EYS: variants seen among roughly 807,000 people sequenced by gnomAD.
The protein encoded by EYS is EGF-like photoreceptor maintenance factor.
In EYS, 250 loss-of-function variants were observed where a neutral mutation model predicts 282.1. The ratio of observed to expected loss-of-function variants is 0.89; its 90% CI spans 0.80 to 0.98. The LOEUF (loss-of-function observed/expected upper bound fraction) is 0.98. Ranked by LOEUF, EYS falls within the 50% of genes least tolerant of loss-of-function variation. The pLI is 0.00. For missense variants in EYS, 4,016 were observed against 3,709.0 expected, an observed-to-expected ratio of 1.08 and a Z score of -2.15; for synonymous variants, 1,355 against 1,282.9, an observed-to-expected ratio of 1.06 and a Z score of -1.20.
intron 1 of EYS, among the ~76,000 whole-genome samples, chr6:65,683,390 T>A (rs117516822): frequency 0.011 from 1,659 of 151,658 alleles, 45 homozygotes; most frequent in Admixed American, 0.054. Context: ...TTTGTTTCAG[T>A]GGTGTTGAGT....
At chr6:65,569,265 T>C (rs1480964344) in intron 2 of EYS, among the ~76,000 whole-genome samples, 1 of 151,968 alleles carries the variant, frequency 6.6e-6, no homozygotes, top group Non-Finnish European at 1.5e-5. Context: ...AATTTTCCTT[T>C]ACCTACCCAA....
At chr6:65,689,922 A>C (rs1262374073) in intron 1 of EYS, among the ~76,000 whole-genome samples, 1 of 149,724 alleles carries the variant, frequency 6.7e-6, no homozygotes, top group Admixed American at 6.7e-5. Context: ...AGCTGGGTCC[A>C]GGGGGGTCAC....
chr6:64,566,160 T>C (rs73764814), intron 26 of EYS, among the ~76,000 whole-genome samples: 4,604 of 152,246 alleles, frequency 0.03, 154 homozygotes, highest in East Asian at 0.11. Context: ...AGAAGACTTA[T>C]GCACAATTAT....
At chr6:65,430,552 C>A (rs1767846563) in intron 5 of EYS, among the ~76,000 whole-genome samples, 1 of 152,184 alleles carries the variant, frequency 6.6e-6, no homozygotes, top group African/African-American at 2.4e-5. Context: ...ACGTGACATA[C>A]AAAGACACCA....
intron 12 of EYS, among the ~76,000 whole-genome samples, chr6:65,280,906 T>A (rs1322510524): frequency 6.8e-6 from 1 of 147,966 alleles, no homozygotes; most frequent in Admixed American, 6.8e-5. Context: ...TGTGGTGGTG[T>A]GTGCCTGTAA....
At chr6:64,354,757 A>G (rs1477083488) in intron 29 of EYS, among the ~76,000 whole-genome samples, 2 of 151,602 alleles carry the variant, frequency 1.3e-5, no homozygotes, top group Non-Finnish European at 3.0e-5. Context: ...TAAAATGTGC[A>G]TATGTATGAA....
intron 22 of EYS, among the ~76,000 whole-genome samples, chr6:64,657,866 G>A (rs1344708896): frequency 6.6e-6 from 1 of 152,004 alleles, no homozygotes; most frequent in African/African-American, 2.4e-5. Context: ...TATCTTTTTG[G>A]CATTCTCTGT....
intron 12 of EYS, among the ~76,000 whole-genome samples, chr6:65,105,652 G>A (rs970287242): frequency 2.6e-5 from 4 of 151,690 alleles, no homozygotes; most frequent in Non-Finnish European, 2.9e-5. Flanking sequence ...AAACCACTGC[G>A]GTGCACTATA....
At chr6:64,320,876 C>A (rs1308722283) in intron 29 of EYS, among the ~76,000 whole-genome samples, 1 of 151,674 alleles carries the variant, frequency 6.6e-6, no homozygotes, top group Non-Finnish European at 1.5e-5. Context: ...AACCTATATG[C>A]TTTTTAAAAA....
intron 30 of EYS, among the ~76,000 whole-genome samples, chr6:64,276,083 G>A (rs2150359692): frequency 6.6e-6 from 1 of 152,122 alleles, no homozygotes; most frequent in Non-Finnish European, 1.5e-5. Flanking sequence ...GAGATAATCA[G>A]GATATAGGTA....
At chr6:65,630,503 G>C (rs1766873503) in intron 2 of EYS, among the ~76,000 whole-genome samples, 2 of 152,044 alleles carry the variant, frequency 1.3e-5, no homozygotes, top group Admixed American at 1.3e-4. Flanking sequence ...TAAATATTTT[G>C]ACCAATATTT....
intron 15 of EYS, among the ~76,000 whole-genome samples, chr6:64,914,662 T>C (rs1768106848): frequency 1.3e-5 from 2 of 152,128 alleles, no homozygotes; most frequent in Non-Finnish European, 2.9e-5. Context: ...AATTGAATTC[T>C]AAATCGATAT....
intron 29 of EYS, among the ~76,000 whole-genome samples, chr6:64,372,140 T>G (rs1425596217): frequency 1.2e-3 from 31 of 25,270 alleles, no homozygotes; most frequent in African/African-American, 2.5e-3. Flanking sequence ...GTTTTTTTTT[T>G]TTTTTTTTTT....
At chr6:64,414,232 A>T (rs1361261) in intron 28 of EYS, among the ~76,000 whole-genome samples, 36,484 of 152,108 alleles carry the variant, frequency 0.24, 4,950 homozygotes, top group East Asian at 0.39. Flanking sequence ...TCATATACAA[A>T]TAAATATCTG....
chr6:63,772,167 A>ATT (rs762369443), intron 40 of EYS, among the ~76,000 whole-genome samples: 144 of 146,354 alleles, frequency 9.8e-4, no homozygotes, highest in Non-Finnish European at 1.3e-3. Context: ...AAAAAGAAAG[A>ATT]TTTTTTTTTT....
In EYS at chr6:63,827,845, C is replaced by T. The variant is rs1461779852; in HGVS notation, c.7229-21473G>A. On this transcript the variant is annotated intron_variant, in intron 36 of 42. Coordinates refer to ENST00000503581, the MANE Select transcript of EYS (RefSeq NM_001142800.2). ...CGGCCTGGGCGACAGAGCAAGACTC[C>T]GTCTCAAAAAAAAAAAAAAAAAAAA... 1.5e-3 allele frequency among the ~76,000 whole-genome samples: 120 copies of T among 79,832 alleles called. 1 individual carries two copies. The highest frequency in any genetic ancestry group is 2.4e-3 in the Non-Finnish European group (95 of 40,400). The allele number at this position is 79,832 out of a possible 152,430, so 52.4% of individuals were successfully genotyped here.
chr6:65,582,834 T>G (rs1047921261), intron 2 of EYS, among the ~76,000 whole-genome samples: 1 of 152,278 alleles, frequency 6.6e-6, no homozygotes, highest in Non-Finnish European at 1.5e-5. Flanking sequence ...GTTATAATTA[T>G]CCCTATTTTA....
intron 31 of EYS, among the ~76,000 whole-genome samples, chr6:64,092,682 A>G (rs1772413549): frequency 6.6e-6 from 1 of 151,370 alleles, no homozygotes; most frequent in Non-Finnish European, 1.5e-5. Context: ...GATTGCAAAA[A>G]TTTTCTCCCA....
At chr6:64,346,254 T>C (rs1771389136) in intron 29 of EYS, among the ~76,000 whole-genome samples, 1 of 152,072 alleles carries the variant, frequency 6.6e-6, no homozygotes, top group Admixed American at 6.6e-5. Context: ...CATGCATACG[T>C]ATGTTTATTG....
Sources: gnomAD v4.1 joint callset for allele counts (sites outside exome capture counted in the v4.1 genomes callset) on GRCh38, gnomAD v4.1.1 for gene constraint, MANE v1.5 for transcripts, NCBI Gene and HGNC (gene_info 2026-07-23, HGNC 2026-07-21) for gene names.